The following POLRMT variants were observed in gnomAD, a reference collection of about 807,000 sequenced individuals.
POLRMT encodes DNA-directed RNA polymerase, mitochondrial.
Under a neutral mutation model 132.2 loss-of-function variants are expected in POLRMT, and 114 were observed. That is an observed-to-expected ratio of 0.86 (90% CI 0.74 to 1.01). POLRMT has a LOEUF of 1.01. POLRMT is among the 50% of genes least tolerant of loss of function. POLRMT has a pLI of 0.00. For missense variants in POLRMT, 2,003 were observed against 1,729.1 expected, an observed-to-expected ratio of 1.16 and a Z score of -2.81; for synonymous variants, 1,020 against 773.4, an observed-to-expected ratio of 1.32 and a Z score of -5.29.
At chr19:630,379 A>G (rs1436045769) in intron 2 of POLRMT, among the ~76,000 whole-genome samples, 1 of 151,980 alleles carries the variant, frequency 6.6e-6, no homozygotes, top group East Asian at 1.9e-4. Flanking sequence ...TCCCCACCCG[A>G]GCCTCACAGA....
chr19:623,495 C>T lies in POLRMT; in HGVS notation c.1249G>A (p.Val417Met), dbSNP rs142443929. ...ELASRVCVVS[V>M]EKPTLPSKEV... ...TTGCTTGGCAACGTGGGCTTCTCCA[C>T]GGACACCACGCACACCCTGCTGGCC... The change falls in exon 6 of 21, where the codon GTG becomes ATG. Residue 417 changes from valine to methionine, a missense_variant. Transcript: ENST00000588649. The T allele has an allele frequency of 5.2e-4, 833 of 1,612,902 alleles. 1 individual carries two copies. Among genetic ancestry groups the T allele is most frequent in the Non-Finnish European group, 6.6e-4 (776 of 1,180,008 alleles).
intron 3 of POLRMT, among the ~76,000 whole-genome samples, chr19:626,977 C>T (rs973807992): frequency 2.0e-5 from 3 of 151,272 alleles, no homozygotes; most frequent in Non-Finnish European, 2.9e-5. Flanking sequence ...CTGTTCTGAG[C>T]AATTTCTCCT....
In POLRMT at chr19:619,652, C is replaced by T. The variant is rs762865467; in HGVS notation, c.3000G>A (p.Gly1000=). The change falls in exon 13 of 21, where the codon GGG becomes GGA. Residue 1000 remains glycine (G), a synonymous_variant. Transcript: ENST00000588649. ...GCAGGCGCCCGCCATAGCGCGTGACCCCGTACACCACCGTCATCACCGTCT... is the reference window on the plus strand; with the variant it reads ...GCAGGCGCCCGCCATAGCGCGTGACTCCGTACACCACCGTCATCACCGTCT... ...VKQTVMTVVY[G]VTRYGGRLQI... The T allele has an allele frequency of 3.7e-6, 6 of 1,610,696 alleles. No homozygotes were observed. The Admixed American group carries it at 5.0e-5, about 13-fold the overall frequency.
chr19:618,647 T>TCCACCGTGGCTGCTCTCC (rs1984218893), intron 16 of POLRMT, 58 bp downstream of exon 16: 1 of 1,600,282 alleles, frequency 6.2e-7, no homozygotes, highest in Non-Finnish European at 8.5e-7. Flanking sequence ...GGCCGCTGTC[T>TCCACCGTGGCTGCTCTCC]CCACCGTGGC....
In POLRMT at chr19:629,263, G is replaced by A. The variant is rs144782515; in HGVS notation, c.822+277C>T. On this transcript the variant is annotated intron_variant, in intron 3 of 20. Coordinates refer to ENST00000588649, the MANE Select transcript of POLRMT (RefSeq NM_005035.4). ...AGGGCTCTGCAGGCTGCCCCCCGAC[G>A]AGGCCAAAAGCACCCCTGCCCAGAC... is the stretch of plus-strand genomic sequence containing the variant. Among the ~76,000 whole-genome samples, 976 of 151,976 alleles carry A rather than the reference G, an allele frequency of 6.4e-3. 14 individuals carry two copies. The highest frequency in any genetic ancestry group is 0.021 in the African/African-American group (879 of 41,440).
intron 4 of POLRMT, 59 bp downstream of exon 4, chr19:625,065 G>A (rs1262749529): frequency 8.3e-6 from 13 of 1,571,904 alleles, no homozygotes; most frequent in Non-Finnish European, 1.0e-5. Context: ...CACCGTCCCA[G>A]ATCTTAAAAC....
At chr19:618,228 C>G in intron 17 of POLRMT, 1 of 550,078 alleles carries the variant, frequency 1.8e-6, no homozygotes, top group Non-Finnish European at 3.2e-6. Context: ...AACCACACAT[C>G]GCGGTGCCAA....
At position 621,419 on chromosome 19, in the gene POLRMT, C is replaced by CGGCGCAGCTCGGCCTTGCG; in HGVS notation, c.2260_2278dup (p.Arg760ProfsTer8). The CGGCGCAGCTCGGCCTTGCG allele has an allele frequency of 1.3e-6, 2 of 1,485,776 alleles. No homozygotes were observed. The highest frequency in any genetic ancestry group is 1.3e-5 in the South Asian group (1 of 79,732). The allele number at this position is 1,485,776 out of a possible 1,614,324, so 92.0% of individuals were successfully genotyped here. On this transcript the variant is annotated frameshift_variant, in exon 10 of 21. Transcript: ENST00000588649. LOFTEE classifies it high-confidence loss of function. Reference sequence around the variant, plus strand: ...CACCTTCTGGCAGTGCGCCAGCTCACGGCGCAGCTCGGCCTTGCGGGCGGG... The same window carrying CGGCGCAGCTCGGCCTTGCG: ...CACCTTCTGGCAGTGCGCCAGCTCACGGCGCAGCTCGGCCTTGCGGGCGCAGCTCGGCCTTGCGGGCGGG...
At position 620,444 on chromosome 19, in the gene POLRMT, A is replaced by G; in HGVS notation, c.2684T>C (p.Leu895Pro). ...WMGAEEPWQT[L>P]ACCMEVANAV... ...GTTCGCCACCTCCATACAGCAGGCC[A>G]GCGTCTGCCAGGGTTCCTCCGCGCC... The change falls in exon 11 of 21, where the codon CTG becomes CCG. Residue 895 changes from leucine to proline, a missense_variant. Transcript: ENST00000588649. 6.3e-7 allele frequency: 1 copy of G among 1,599,632 alleles called. No homozygotes were observed. The highest frequency in any genetic ancestry group is 8.5e-7 in the Non-Finnish European group (1 of 1,173,440).
rs768516790 is a variant in POLRMT at position 621,566 on chromosome 19, C to T, written c.2132G>A (p.Gly711Glu). 8.2e-5 allele frequency: 119 copies of T among 1,453,752 alleles called. No homozygotes were observed. Among genetic ancestry groups the T allele is most frequent in the Admixed American group, 5.0e-4 (20 of 39,900 alleles). The allele number at this position is 1,453,752 out of a possible 1,614,324, so 90.1% of individuals were successfully genotyped here. The change falls in exon 10 of 21, where the codon GGG becomes GAG. Residue 711 changes from glycine (G) to glutamate (E), a missense_variant. Transcript: ENST00000588649. Reference protein sequence around the residue: ...QLGNCAWRVNGRVLDLVLQLF... With the variant: ...QLGNCAWRVNERVLDLVLQLF... ...CTGCAGCACCAGGTCCAGCACGCGC[C>T]CGTTGACGCGCCAGGCGCAGTTGCC...
chr19:620,351 C>T lies in POLRMT; in HGVS notation c.2763+14G>A. 6.4e-7 allele frequency: 1 copy of T among 1,563,424 alleles called. No homozygotes were observed. Among genetic ancestry groups the T allele is most frequent in the Non-Finnish European group, 8.7e-7 (1 of 1,154,908 alleles). Reference sequence around the variant, plus strand: ...ACACTGCACGGCCTCGGGGGCCAGACCCAGCTGGCTCACCTGATGGACGGG... The same window carrying T: ...ACACTGCACGGCCTCGGGGGCCAGATCCAGCTGGCTCACCTGATGGACGGG... On this transcript the variant is annotated intron_variant, in intron 11 of 20. Coordinates refer to ENST00000588649, the MANE Select transcript of POLRMT (RefSeq NM_005035.4).
Position 621,580 on chromosome 19 carries a change from G to A in POLRMT, c.2118C>T (p.Ala706=), listed in dbSNP as rs566850335. 10 of 1,471,894 alleles carry A rather than the reference G, an allele frequency of 6.8e-6. No homozygotes were observed. The highest frequency in any genetic ancestry group is 2.8e-5 in the African/African-American group (2 of 70,260). 91.2% of individuals were successfully genotyped at this position (1,471,894 alleles called of 1,614,324 possible). A position where few individuals can be genotyped will look rare whatever the true frequency, so the allele number is the denominator to read the frequency against. ...LDALTQLGNC[A]WRVNGRVLDL... ...CCAGCACGCGCCCGTTGACGCGCCA[G>A]GCGCAGTTGCCCAGTTGGGTGAGGG... The change falls in exon 10 of 21, where the codon GCC becomes GCT. Residue 706 remains alanine (A), a synonymous_variant. Coordinates refer to ENST00000588649, the MANE Select transcript of POLRMT (RefSeq NM_005035.4).
intron 3 of POLRMT, among the ~76,000 whole-genome samples, chr19:625,718 C>T (rs1212768067): frequency 1.3e-5 from 2 of 152,066 alleles, no homozygotes; most frequent in Non-Finnish European, 2.9e-5. Context: ...TTTTTTCCCC[C>T]CAAGATGGAG....
chr19:622,630 C>T lies in POLRMT; in HGVS notation c.1578G>A (p.Leu526=). ...RQRVSGQVQA[L]QNHYRKYLCL... is the part of the protein sequence containing the mutation. Reference sequence around the variant, plus strand: ...AGAGGTACTTCCTGTAGTGGTTCTGCAGCGCCTGCACCTGGCCACTGACCC... The same window carrying T: ...AGAGGTACTTCCTGTAGTGGTTCTGTAGCGCCTGCACCTGGCCACTGACCC... Residue 526 remains leucine (L), a synonymous_variant, in exon 8 of 21, where the codon CTG becomes CTA. Coordinates refer to ENST00000588649, the MANE Select transcript of POLRMT (RefSeq NM_005035.4). 2.5e-6 allele frequency: 4 copies of T among 1,607,366 alleles called. No homozygotes were observed. The highest frequency in any genetic ancestry group is 3.4e-6 in the Non-Finnish European group (4 of 1,178,402).
chr19:624,639 A>G (rs1984885378), intron 5 of POLRMT, 80 bp downstream of exon 5: 1 of 1,488,364 alleles, frequency 6.7e-7, no homozygotes, highest in Non-Finnish European at 9.1e-7. Flanking sequence ...GGGGAGGCCC[A>G]TTGGTCTGAG....
intron 15 of POLRMT, 70 bp from the exon 16 acceptor site, chr19:618,830 T>G: frequency 6.6e-7 from 1 of 1,505,062 alleles, no homozygotes; most frequent in Non-Finnish European, 9.0e-7. Context: ...GAGGTGGTGG[T>G]ACACTGGGGT....
At position 622,286 on chromosome 19, in the gene POLRMT, G is replaced by C. The variant is rs763695830; in HGVS notation, c.1714C>G (p.Gln572Glu). The C allele has an allele frequency of 1.3e-6, 2 of 1,564,894 alleles. No homozygotes were observed. Among genetic ancestry groups the C allele is most frequent in the South Asian group, 2.3e-5 (2 of 85,548 alleles). The change falls in exon 9 of 21, where the codon CAG becomes GAG. Residue 572 changes from glutamine (Q) to glutamate (E), a missense_variant. Physicochemically the swap from Gln to Glu is conservative, Grantham distance 29. Transcript: ENST00000588649. Reference protein sequence around the residue: ...LREQPWPLPVQMELGKLLAEM... With the variant: ...LREQPWPLPVEMELGKLLAEM... ...GCCAGCAGCTTGCCCAGCTCCATCT[G>C]CACTGGCAGGGGCCAGGGCTGCTCC...
At chr19:632,187 G>C (rs1267096156) in intron 2 of POLRMT, among the ~76,000 whole-genome samples, 1 of 151,808 alleles carries the variant, frequency 6.6e-6, no homozygotes, top group East Asian at 1.9e-4. Flanking sequence ...GCCCACCTCG[G>C]CCACCCAAAA....
chr19:620,841 G>A (rs1431312363), intron 10 of POLRMT, among the ~76,000 whole-genome samples: 2 of 111,482 alleles, frequency 1.8e-5, no homozygotes, highest in African/African-American at 3.5e-5. Flanking sequence ...GGAGAAGCAG[G>A]ACGGGCAGGG....
Sources: gnomAD v4.1 joint callset for allele counts (sites outside exome capture counted in the v4.1 genomes callset) on GRCh38, gnomAD v4.1.1 for gene constraint, MANE v1.5 for transcripts, NCBI Gene and HGNC (gene_info 2026-07-23, HGNC 2026-07-21) for gene names.